SENP5: variants seen among roughly 807,000 people sequenced by gnomAD.
SENP5 encodes the protein sentrin-specific protease 5.
In SENP5, 21 loss-of-function variants were observed where a neutral mutation model predicts 74.2. That is an observed-to-expected ratio of 0.28 (90% CI 0.20 to 0.41). SENP5 has a LOEUF of 0.41. Ranked by LOEUF, SENP5 falls within the 10% of genes least tolerant of loss-of-function variation. The probability of loss-of-function intolerance (pLI) is 1.00; values close to 1 mark genes in which losing one functional copy is unlikely to be tolerated. For synonymous variants in SENP5, 311 were observed against 312.7 expected (o/e 0.99, Z 0.06); for missense variants, 717 against 889.1 (o/e 0.81, Z 2.46).
At chr3:196,890,289 A>G (rs1213374956) in intron 2 of SENP5, among the ~76,000 whole-genome samples, 1 of 152,184 alleles carries the variant, frequency 6.6e-6, no homozygotes, top group Non-Finnish European at 1.5e-5. Flanking sequence ...ACAATAGATA[A>G]TCCTTTAAGG....
At chr3:196,869,097 T>C (rs1713084591) in intron 1 of SENP5, among the ~76,000 whole-genome samples, 1 of 151,976 alleles carries the variant, frequency 6.6e-6, no homozygotes, top group Non-Finnish European at 1.5e-5. Context: ...TCAGTTTTGA[T>C]CTTTACTCAA....
chr3:196,869,308 A>T (rs1403536479), intron 1 of SENP5, among the ~76,000 whole-genome samples: 2 of 151,788 alleles, frequency 1.3e-5, no homozygotes, highest in Non-Finnish European at 2.9e-5. Context: ...GGTTCAAGCG[A>T]TTCTCCTGCC....
In SENP5 at chr3:196,886,165, T is replaced by C. The variant is rs146633589; in HGVS notation, c.984T>C (p.Thr328=). 1.4e-5 allele frequency: 23 copies of C among 1,614,100 alleles called. No homozygotes were observed. In the Admixed American group the frequency reaches 1.7e-4, roughly 12 times the overall value. ...ACTCTCATGTGCCTGATTGCCACAC[T>C]AAAGGAAGCTCTTTCTTGGGCAAGG... is the stretch of plus-strand genomic sequence containing the variant. ...GTNSHVPDCH[T]KGSSFLGKEL... The change falls in exon 2 of 10, where the codon ACT becomes ACC. Residue 328 remains threonine, a synonymous_variant. Coordinates refer to ENST00000323460, the MANE Select transcript of SENP5 (RefSeq NM_152699.5).
chr3:196,870,981 AAC>A lies in SENP5; in HGVS notation c.-32+2910_-32+2911del, dbSNP rs1164037209. Among the ~76,000 whole-genome samples the A allele has an allele frequency of 3.3e-5, 5 of 152,026 alleles. No homozygotes were observed. The East Asian group carries it at 9.8e-4, about 30-fold the overall frequency. ...TCAGGAGTTAGAGAACAGCCTGGCC[AAC>A]ATGGTGAAACTCCGTCTGTACTGAA... On this transcript the variant is annotated intron_variant, in intron 1 of 9. Coordinates refer to ENST00000323460, the MANE Select transcript of SENP5 (RefSeq NM_152699.5).
At chr3:196,913,568 C>CA (rs1259959436) in intron 6 of SENP5, among the ~76,000 whole-genome samples, 1,455 of 57,586 alleles carry the variant, frequency 0.025, 17 homozygotes, top group African/African-American at 0.069. Flanking sequence ...GACTCCATCT[C>CA]AAAAAAAAAA....
intron 2 of SENP5, 51 bp downstream of exon 2, chr3:196,886,745 T>C (rs774544718): frequency 2.1e-6 from 3 of 1,409,546 alleles, no homozygotes; most frequent in Non-Finnish European, 2.9e-6. Context: ...ACATTTGCTG[T>C]GCATTATCCT....
chr3:196,890,760 A>G (rs2108823888), intron 2 of SENP5, among the ~76,000 whole-genome samples: 1 of 152,342 alleles, frequency 6.6e-6, no homozygotes, highest in South Asian at 2.1e-4. Flanking sequence ...TAGAACTGAA[A>G]AGAAAGGTCT....
chr3:196,901,172 A>G (rs574200648), intron 5 of SENP5, among the ~76,000 whole-genome samples: 253 of 151,436 alleles, frequency 1.7e-3, no homozygotes, highest in Non-Finnish European at 2.9e-3. Context: ...TAGCCTCCCA[A>G]GTAGCTGGGA....
intron 1 of SENP5, among the ~76,000 whole-genome samples, chr3:196,876,351 T>G (rs999562327): frequency 6.6e-6 from 1 of 151,764 alleles, no homozygotes; most frequent in Non-Finnish European, 1.5e-5. Flanking sequence ...GTGAAACCCC[T>G]TCTCTACTAA....
In SENP5 at chr3:196,933,775, A is replaced by G. The variant is rs528089530; in HGVS notation, c.*2852A>G. The G allele has an allele frequency of 6.6e-6, 1 of 151,902 alleles. No individual in the cohort carries two copies. The highest frequency in any genetic ancestry group is 1.9e-4 in the East Asian group (1 of 5,152). The allele number at this position is 151,902 out of a possible 1,614,324, so 9.4% of individuals were successfully genotyped here. A position where few individuals can be genotyped will look rare whatever the true frequency, so the allele number is the denominator to read the frequency against. On this transcript the variant is annotated 3_prime_UTR_variant, in exon 10 of 10. Coordinates refer to ENST00000323460, the MANE Select transcript of SENP5 (RefSeq NM_152699.5). ...GCCACCACTCCCAGCTAATTTTTGT[A>G]TTTTTAGTAGAGACAGGGTTTTGCC...
At chr3:196,880,394 A>G (rs1011166802) in intron 1 of SENP5, among the ~76,000 whole-genome samples, 1 of 152,240 alleles carries the variant, frequency 6.6e-6, no homozygotes, top group African/African-American at 2.4e-5. Context: ...CCAATGTTAT[A>G]GAACTGCAGC....
chr3:196,897,535 T>C (rs1223538864), intron 2 of SENP5, among the ~76,000 whole-genome samples: 1 of 152,238 alleles, frequency 6.6e-6, no homozygotes, highest in African/African-American at 2.4e-5. Flanking sequence ...GGTACTCTGG[T>C]GGGAGATTAA....
intron 8 of SENP5, among the ~76,000 whole-genome samples, chr3:196,928,419 A>G (rs1715897239): frequency 6.6e-6 from 1 of 152,158 alleles, no homozygotes; most frequent in Non-Finnish European, 1.5e-5. Context: ...CAGTGTCTTC[A>G]TTGATGGTGG....
At chr3:196,919,466 G>T (rs1715523446) in intron 6 of SENP5, among the ~76,000 whole-genome samples, 1 of 152,096 alleles carries the variant, frequency 6.6e-6, no homozygotes, top group Non-Finnish European at 1.5e-5. Context: ...GGGCTACAGA[G>T]TGAGACTCCA....
chr3:196,918,159 T>C (rs926429501), intron 6 of SENP5, among the ~76,000 whole-genome samples: 1 of 151,516 alleles, frequency 6.6e-6, no homozygotes, highest in African/African-American at 2.4e-5. Context: ...ACAAAAAAAT[T>C]AGCCGGGCGC....
chr3:196,909,772 G>C (rs143763044), intron 6 of SENP5, among the ~76,000 whole-genome samples: 1,662 of 152,204 alleles, frequency 0.011, 21 homozygotes, highest in African/African-American at 0.032. Context: ...AATAATAAGA[G>C]CTATTTATGA....
At chr3:196,894,049 G>C (rs1434786374) in intron 2 of SENP5, among the ~76,000 whole-genome samples, 12 of 150,598 alleles carry the variant, frequency 8.0e-5, no homozygotes, top group African/African-American at 2.9e-4. Context: ...TACTTAAAAG[G>C]TTGTTTCCAC....
At chr3:196,919,279 A>G (rs1715516638) in intron 6 of SENP5, among the ~76,000 whole-genome samples, 1 of 152,216 alleles carries the variant, frequency 6.6e-6, no homozygotes, top group Non-Finnish European at 1.5e-5. Flanking sequence ...TCAGGAGTTC[A>G]AGACTGGCCT....
intron 2 of SENP5, among the ~76,000 whole-genome samples, chr3:196,890,166 A>G (rs765666159): frequency 1.3e-5 from 2 of 152,236 alleles, no homozygotes; most frequent in Non-Finnish European, 2.9e-5. Flanking sequence ...TTACCTAAGT[A>G]GAGATGAACT....
Sources: allele counts gnomAD v4.1 joint callset (sites outside exome capture counted in the v4.1 genomes callset), GRCh38; gene constraint gnomAD v4.1.1; transcripts MANE v1.5; gene names NCBI Gene and HGNC (gene_info 2026-07-23, HGNC 2026-07-21).